PALLD: variants seen among roughly 807,000 people sequenced by gnomAD.
The protein encoded by PALLD is palladin, cytoskeletal associated protein.
Under a neutral mutation model 123.5 loss-of-function variants are expected in PALLD, and 61 were observed. That is an observed-to-expected ratio of 0.49 (90% confidence interval 0.40 to 0.61). PALLD has a LOEUF of 0.61. PALLD is among the 20% of genes least tolerant of loss of function. The pLI is 0.00. For synonymous variants in PALLD, 465 were observed against 496.4 expected, an observed-to-expected ratio of 0.94 and a Z score of 0.84; for missense variants, 1,273 against 1,377.0, an observed-to-expected ratio of 0.92 and a Z score of 1.20.
At chr4:168,889,093 G>A (rs1308797719) in intron 10 of PALLD, among the ~76,000 whole-genome samples, 6 of 150,894 alleles carry the variant, frequency 4.0e-5, no homozygotes, top group African/African-American at 1.5e-4. Flanking sequence ...GAGGCACACA[G>A]TGCCTTGACG....
chr4:168,877,934 T>C, intron 10 of PALLD: 2 of 1,497,540 alleles, frequency 1.3e-6, no homozygotes, highest in Non-Finnish European at 1.8e-6. Flanking sequence ...CATGCAGTCC[T>C]CCGGCTCCTT....
intron 10 of PALLD, among the ~76,000 whole-genome samples, chr4:168,842,369 C>T (rs1414092349): frequency 2.6e-5 from 4 of 152,230 alleles, no homozygotes; most frequent in Non-Finnish European, 5.9e-5. Flanking sequence ...TATGGATCAT[C>T]TTCTGGCAAG....
At chr4:168,675,872 T>C (rs1780780313) in intron 3 of PALLD, among the ~76,000 whole-genome samples, 1 of 151,768 alleles carries the variant, frequency 6.6e-6, no homozygotes, top group Non-Finnish European at 1.5e-5. Flanking sequence ...TGGAGCAACA[T>C]AGTGAGACCC....
intron 10 of PALLD, among the ~76,000 whole-genome samples, chr4:168,839,178 T>G (rs1395437007): frequency 6.6e-6 from 1 of 152,180 alleles, no homozygotes; most frequent in Non-Finnish European, 1.5e-5. Flanking sequence ...GGTCTTGAAC[T>G]CTTGAGCTCA....
chr4:168,740,826 G>A (rs1035523302), intron 10 of PALLD, among the ~76,000 whole-genome samples: 1 of 152,130 alleles, frequency 6.6e-6, no homozygotes, highest in African/African-American at 2.4e-5. Context: ...AACAACTCAG[G>A]AACTTACTTA....
chr4:168,593,899 G>A (rs1018563891), intron 2 of PALLD, among the ~76,000 whole-genome samples: 3 of 152,150 alleles, frequency 2.0e-5, no homozygotes, highest in African/African-American at 7.2e-5. Context: ...AAGACATAAA[G>A]TGATTTTGTA....
At position 168,732,175 on chromosome 4, in the gene PALLD, G is replaced by A. The variant is rs114377221; in HGVS notation, c.1964+20252G>A. Among the ~76,000 whole-genome samples, 670 of 152,262 alleles carry A rather than the reference G, an allele frequency of 4.4e-3. 1 individual carries two copies. The highest frequency in any genetic ancestry group is 0.015 in the African/African-American group (620 of 41,564). The stretch of plus-strand genomic sequence containing the variant: ...TAAAATGTACCTACCACTTTCATCC[G>A]AGTTTGTAGCGTTGGACAAATCCCT... On this transcript the variant is annotated intron_variant, in intron 10 of 21. Transcript: ENST00000505667.
intron 2 of PALLD, among the ~76,000 whole-genome samples, chr4:168,645,627 G>T (rs1777372031): frequency 6.6e-6 from 1 of 152,138 alleles, no homozygotes. Flanking sequence ...TTCTGAGAGG[G>T]CTGAATTCAT....
At chr4:168,506,213 T>A (rs1294863414) in intron 1 of PALLD, 1 of 152,218 alleles carries the variant, frequency 6.6e-6, no homozygotes, top group African/African-American at 2.4e-5. Context: ...GGCCCTCACC[T>A]CTACCCATAA....
chr4:168,560,247 A>G (rs1324054944), intron 2 of PALLD, among the ~76,000 whole-genome samples: 1 of 152,194 alleles, frequency 6.6e-6, no homozygotes, highest in Non-Finnish European at 1.5e-5. Context: ...TGACCTCTCA[A>G]ACAAGAAAAC....
intron 10 of PALLD, among the ~76,000 whole-genome samples, chr4:168,750,633 C>T (rs1379679119): frequency 6.6e-6 from 1 of 151,892 alleles, no homozygotes; most frequent in African/African-American, 2.4e-5. Context: ...TCTTAGTTAC[C>T]AAGTTGAAAT....
At chr4:168,676,975 G>A (rs185030640) in intron 3 of PALLD, among the ~76,000 whole-genome samples, 182 of 152,228 alleles carry the variant, frequency 1.2e-3, no homozygotes, top group African/African-American at 4.2e-3. Context: ...GAGCAGGATC[G>A]TCGGCGTGTG....
intron 10 of PALLD, among the ~76,000 whole-genome samples, chr4:168,737,291 C>T (rs1050495379): frequency 7.9e-5 from 12 of 152,054 alleles, no homozygotes; most frequent in African/African-American, 2.9e-4. Context: ...TTTGGGGCCT[C>T]TTTTTTTTCT....
At chr4:168,848,245 A>G (rs1297120035) in intron 10 of PALLD, among the ~76,000 whole-genome samples, 1 of 150,326 alleles carries the variant, frequency 6.7e-6, no homozygotes, top group Non-Finnish European at 1.5e-5. Context: ...TACTCAGCAG[A>G]TGGGAGCCAG....
intron 2 of PALLD, among the ~76,000 whole-genome samples, chr4:168,572,443 T>C (rs980299769): frequency 6.6e-6 from 1 of 152,122 alleles, no homozygotes; most frequent in Admixed American, 6.5e-5. Flanking sequence ...GGGCCAAGAT[T>C]CTAACTGCTT....
chr4:168,726,107 A>C (rs766498568), intron 10 of PALLD, among the ~76,000 whole-genome samples: 2 of 152,218 alleles, frequency 1.3e-5, no homozygotes, highest in Non-Finnish European at 2.9e-5. Flanking sequence ...GTTTCACTTC[A>C]TGTTTGTTGT....
chr4:168,918,610 G>A (rs542593220), intron 17 of PALLD, among the ~76,000 whole-genome samples: 26 of 152,208 alleles, frequency 1.7e-4, no homozygotes, highest in Admixed American at 3.3e-4. Flanking sequence ...GAGATCTGTT[G>A]TACAACATGG....
chr4:168,658,474 A>G (rs12641513), intron 2 of PALLD, among the ~76,000 whole-genome samples: 19,907 of 151,394 alleles, frequency 0.13, 1,384 homozygotes, highest in African/African-American at 0.18. Context: ...TTTTGTAGAG[A>G]CAGGGTCTTG....
At position 168,709,243 on chromosome 4, in the gene PALLD, C is replaced by T. The variant is rs2150196133; in HGVS notation, c.1621+96C>T. The T allele has an allele frequency of 2.3e-6, 3 of 1,283,934 alleles. No homozygotes were observed. The South Asian group carries it at 3.6e-5, about 15-fold the overall frequency. 79.5% of individuals were successfully genotyped at this position (1,283,934 alleles called of 1,614,324 possible). A position where few individuals can be genotyped will look rare whatever the true frequency, so the allele number is the denominator to read the frequency against. On this transcript the variant is annotated intron_variant, in intron 9 of 21. Coordinates refer to ENST00000505667, the MANE Select transcript of PALLD (RefSeq NM_001166108.2). ...GCACCGTCCTGGCCAGGTGCAGTGG[C>T]TCACACCTGTAATCCCAGCACTTTG...
Sources: gnomAD v4.1 joint callset for allele counts (sites outside exome capture counted in the v4.1 genomes callset) on GRCh38, gnomAD v4.1.1 for gene constraint, MANE v1.5 for transcripts, NCBI Gene and HGNC (gene_info 2026-07-23, HGNC 2026-07-21) for gene names.